The following PAGE2B variants were observed in gnomAD, a reference collection of about 807,000 sequenced individuals.
The protein encoded by PAGE2B is putative G antigen family E member 3.
A neutral mutation model predicts 7.6 loss-of-function variants in PAGE2B; 5 were observed. That is an observed-to-expected ratio of 0.66 (90% CI 0.34 to 1.38). The LOEUF is 1.38. PAGE2B is among the 40% of genes most tolerant of loss of function. The pLI is 0.04. For synonymous variants in PAGE2B, 29 were observed against 26.7 expected, an observed-to-expected ratio of 1.09 and a Z score of -0.27; for missense variants, 70 against 78.4, an observed-to-expected ratio of 0.89 and a Z score of 0.41.
chrX:55,076,189 T>G (rs1936511025), intron 2 of PAGE2B, 64 bp downstream of exon 2: 1 of 1,110,548 alleles, frequency 9.0e-7, no homozygotes, highest in African/African-American at 1.8e-5. Context: ...ATTTTTGAGC[T>G]AGTGTACACG....
At chrX:55,034,513 A>G in the PAGE2B span, among the ~76,000 whole-genome samples, 2 of 110,872 alleles carry the variant, frequency 1.8e-5, no homozygotes, top group African/African-American at 6.6e-5. Flanking sequence ...TTGGTTAGGT[A>G]TAAAATTCCA....
the PAGE2B span, among the ~76,000 whole-genome samples, chrX:55,041,099 T>TG: frequency 1.6e-4 from 16 of 102,286 alleles, no homozygotes; most frequent in African/African-American, 5.9e-4. Flanking sequence ...TTTTTTTTTT[T>TG]GAGACGGAGT....
chrX:55,038,319 T>A, the PAGE2B span, among the ~76,000 whole-genome samples: 1 of 112,078 alleles, frequency 8.9e-6, no homozygotes, highest in Non-Finnish European at 1.9e-5. Context: ...AATAAAGAAA[T>A]TTTTAAAGCA....
At chrX:55,065,056 T>C in the PAGE2B span, among the ~76,000 whole-genome samples, 1 of 112,108 alleles carries the variant, frequency 8.9e-6, no homozygotes, top group Non-Finnish European at 1.9e-5. Flanking sequence ...TAAATATCTG[T>C]TAGGTCCACT....
At chrX:55,073,337 G>A (rs12392180), upstream of PAGE2B, among the ~76,000 whole-genome samples, 3,571 of 110,856 alleles carry the variant, frequency 0.032, 152 homozygotes, top group African/African-American at 0.11. Flanking sequence ...TACACTTCAC[G>A]GGTAGGCGAT....
At chrX:55,051,685 T>C in the PAGE2B span, among the ~76,000 whole-genome samples, 1 of 111,895 alleles carries the variant, frequency 8.9e-6, no homozygotes, top group Admixed American at 9.5e-5. Context: ...CTTCTCTGCA[T>C]TGGTTATTCT....
chrX:55,047,883 C>G, the PAGE2B span, among the ~76,000 whole-genome samples: 1 of 111,846 alleles, frequency 8.9e-6, no homozygotes, highest in Non-Finnish European at 1.9e-5. Flanking sequence ...GACATGAAGT[C>G]CTTGCCCAAT....
At chrX:55,072,228 G>C (rs892084494), upstream of PAGE2B, among the ~76,000 whole-genome samples, 2 of 112,225 alleles carry the variant, frequency 1.8e-5, no homozygotes, top group African/African-American at 3.2e-5. Context: ...TTTGATCTTA[G>C]AGGCTGATGA....
At chrX:55,048,731 T>C in the PAGE2B span, among the ~76,000 whole-genome samples, 3 of 111,718 alleles carry the variant, frequency 2.7e-5, no homozygotes, top group Non-Finnish European at 5.6e-5. Context: ...TTTCTAGATA[T>C]ACAATCATGT....
At chrX:55,069,874 G>A in the PAGE2B span, among the ~76,000 whole-genome samples, 2 of 111,522 alleles carry the variant, frequency 1.8e-5, no homozygotes, top group South Asian at 3.8e-4. Flanking sequence ...TATTTCTGTG[G>A]GATCGGTGGT....
the PAGE2B span, among the ~76,000 whole-genome samples, chrX:55,069,852 G>A: frequency 8.9e-6 from 1 of 111,893 alleles, no homozygotes; most frequent in East Asian, 2.8e-4. Context: ...AGTATTCACT[G>A]ATGGTAGTTT....
At chrX:55,052,905 CTG>C in the PAGE2B span, among the ~76,000 whole-genome samples, 1 of 112,889 alleles carries the variant, frequency 8.9e-6, no homozygotes, top group Non-Finnish European at 1.9e-5. Flanking sequence ...GAGCTGTAGA[CTG>C]GAGCTGTTCC....
chrX:55,063,113 AG>A, the PAGE2B span, among the ~76,000 whole-genome samples: 1 of 110,865 alleles, frequency 9.0e-6, no homozygotes, highest in African/African-American at 3.3e-5. Context: ...TAAATTTTAG[AG>A]TTTTTTTCTA....
In PAGE2B at chrX:55,075,635, G is replaced by C. The variant is rs754750946; in HGVS notation, c.-8-399G>C. Among the ~76,000 whole-genome samples, 335 of 111,519 alleles carry C rather than the reference G, an allele frequency of 3.0e-3. 3 individuals carry two copies. The highest frequency in any genetic ancestry group is 0.013 in the South Asian group (33 of 2,623). ...CCATGGAAGGAATGGGCGAGGCTGT[G>C]CTTTCCAACAAGACTTGATTTTGAG... On this transcript the variant is annotated intron_variant, in intron 1 of 4. Transcript: ENST00000374971.
chrX:55,061,252 T>C, the PAGE2B span, among the ~76,000 whole-genome samples: 51 of 111,062 alleles, frequency 4.6e-4, no homozygotes, highest in East Asian at 0.012. Flanking sequence ...CTTTGCAACT[T>C]CTATTTCAGG....
the PAGE2B span, among the ~76,000 whole-genome samples, chrX:55,059,646 C>G: frequency 9.0e-6 from 1 of 111,283 alleles, no homozygotes; most frequent in African/African-American, 3.3e-5. Context: ...ACTTCTTTAG[C>G]AATTTCAAGT....
chrX:55,050,842 C>A, the PAGE2B span, among the ~76,000 whole-genome samples: 1 of 111,315 alleles, frequency 9.0e-6, no homozygotes, highest in Non-Finnish European at 1.9e-5. Context: ...TGAATTTGAT[C>A]CTTTCATTAT....
the PAGE2B span, among the ~76,000 whole-genome samples, chrX:55,042,147 T>A: frequency 9.1e-6 from 1 of 110,411 alleles, no homozygotes; most frequent in African/African-American, 3.3e-5. Context: ...ATCCTATACC[T>A]AGAAAACCCT....
At chrX:55,043,404 C>T in the PAGE2B span, among the ~76,000 whole-genome samples, 1 of 110,285 alleles carries the variant, frequency 9.1e-6, no homozygotes, top group Admixed American at 9.6e-5. Context: ...AATAGACAAT[C>T]CACAGAGTGG....
Sources: allele counts gnomAD v4.1 joint callset (sites outside exome capture counted in the v4.1 genomes callset), GRCh38; gene constraint gnomAD v4.1.1; transcripts MANE v1.5; gene names NCBI Gene and HGNC (gene_info 2026-07-23, HGNC 2026-07-21).